VTI1A: variants seen among roughly 807,000 people sequenced by gnomAD.
VTI1A encodes vesicle transport through interaction with t-SNAREs homolog 1A.
A neutral mutation model predicts 34.9 loss-of-function variants in VTI1A; 22 were observed. The observed-to-expected ratio is 0.63, with a 90% CI of 0.45 to 0.90. The LOEUF is 0.90. Among genes scored for constraint, VTI1A ranks in the 40% least tolerant of loss-of-function variants. The pLI is 0.00. For synonymous variants in VTI1A, 87 were observed against 97.3 expected, an observed-to-expected ratio of 0.89 and a Z score of 0.62; for missense variants, 268 against 275.6, an observed-to-expected ratio of 0.97 and a Z score of 0.20.
chr10:112,741,986 G>A (rs1850710007), intron 7 of VTI1A, among the ~76,000 whole-genome samples: 1 of 152,006 alleles, frequency 6.6e-6, no homozygotes, highest in Non-Finnish European at 1.5e-5. Flanking sequence ...AAATTCTGTA[G>A]CAAGCAAGTA....
At chr10:112,748,487 A>G (rs1422057906) in intron 7 of VTI1A, among the ~76,000 whole-genome samples, 1 of 152,190 alleles carries the variant, frequency 6.6e-6, no homozygotes, top group African/African-American at 2.4e-5. Flanking sequence ...GCAGAGATGC[A>G]GGGAAGTTGC....
intron 7 of VTI1A, among the ~76,000 whole-genome samples, chr10:112,760,692 C>T (rs1851431444): frequency 6.6e-6 from 1 of 152,058 alleles, no homozygotes; most frequent in South Asian, 2.1e-4. Context: ...AGTTCGAGAC[C>T]AGGCTGGCCA....
In VTI1A at chr10:112,618,514, T is replaced by TAGAG. The variant is rs1418805647; in HGVS notation, c.428-49703_428-49702insGAGA. On this transcript the variant is annotated intron_variant, in intron 5 of 7. Transcript: ENST00000393077. ...TTATATATATATATATATATATATA[T>TAGAG]ATATATATATAGAGAGAGAGAGAGA... 6.5e-3 allele frequency among the ~76,000 whole-genome samples: 276 copies of TAGAG among 42,464 alleles called. 1 individual carries two copies. The highest frequency in any genetic ancestry group is 0.012 in the Middle Eastern group (1 of 84). 27.9% of individuals were successfully genotyped at this position (42,464 alleles called of 152,430 possible).
chr10:112,765,659 G>T (rs1031070774), intron 7 of VTI1A, among the ~76,000 whole-genome samples: 1 of 152,342 alleles, frequency 6.6e-6, no homozygotes, highest in East Asian at 1.9e-4. Flanking sequence ...GGGGGAAACA[G>T]ACATTAATCA....
intron 5 of VTI1A, among the ~76,000 whole-genome samples, chr10:112,618,424 G>A (rs1192343878): frequency 2.7e-5 from 4 of 146,422 alleles, no homozygotes; most frequent in South Asian, 2.2e-4. Flanking sequence ...GAGAAGTAAC[G>A]ACCCCAGCAT....
chr10:112,616,887 C>CA (rs1159285547), intron 5 of VTI1A, among the ~76,000 whole-genome samples: 1 of 152,020 alleles, frequency 6.6e-6, no homozygotes, highest in African/African-American at 2.4e-5. Flanking sequence ...TAAAATGGAG[C>CA]ACACAAGAGA....
intron 5 of VTI1A, among the ~76,000 whole-genome samples, chr10:112,638,474 A>G (rs1046814799): frequency 2.9e-4 from 44 of 152,336 alleles, no homozygotes; most frequent in African/African-American, 1.1e-3. Flanking sequence ...ACTTATAGCA[A>G]TCCCCTAAAT....
intron 7 of VTI1A, among the ~76,000 whole-genome samples, chr10:112,672,984 C>T (rs1847902648): frequency 6.6e-6 from 1 of 152,030 alleles, no homozygotes; most frequent in African/African-American, 2.4e-5. Flanking sequence ...TACCTTGGCT[C>T]CTCCGCTGCA....
intron 5 of VTI1A, among the ~76,000 whole-genome samples, chr10:112,608,989 A>G (rs1418722562): frequency 1.3e-5 from 2 of 152,310 alleles, no homozygotes; most frequent in South Asian, 4.1e-4. Context: ...TACTTTAAAA[A>G]TATTTTAACA....
At chr10:112,805,894 T>C (rs146922927) in intron 7 of VTI1A, among the ~76,000 whole-genome samples, 1 of 152,298 alleles carries the variant, frequency 6.6e-6, no homozygotes, top group Non-Finnish European at 1.5e-5. Context: ...AACTTTCTGT[T>C]GTTGAAGCCG....
rs535757538 is a variant in VTI1A, at chr10:112,725,814, A to G, written c.560+56816A>G. 9.1e-4 allele frequency among the ~76,000 whole-genome samples: 139 copies of G among 152,298 alleles called. 1 individual carries two copies. The highest frequency in any genetic ancestry group is 1.1e-3 in the African/African-American group (46 of 41,534). ...GCTTGCTTGTTTGTTTTGAGCATCA[A>G]TATAAACCCTTGGACTTTTATCTAT... On this transcript the variant is annotated intron_variant, in intron 7 of 7. Coordinates refer to ENST00000393077, the MANE Select transcript of VTI1A (RefSeq NM_145206.4).
At chr10:112,804,224 G>C (rs972448357) in intron 7 of VTI1A, among the ~76,000 whole-genome samples, 3 of 152,152 alleles carry the variant, frequency 2.0e-5, no homozygotes, top group East Asian at 3.9e-4. Context: ...GAGAAGGCTC[G>C]GCTGTGCTCA....
intron 1 of VTI1A, among the ~76,000 whole-genome samples, chr10:112,451,585 G>T (rs570955512): frequency 8.5e-5 from 13 of 152,352 alleles, no homozygotes; most frequent in African/African-American, 2.9e-4. Context: ...CCCAAGGGGG[G>T]CAGTCGGAGG....
chr10:112,460,397 T>C (rs1383641964), intron 1 of VTI1A, 127 bp from the exon 2 acceptor site: 3 of 762,250 alleles, frequency 3.9e-6, no homozygotes, highest in South Asian at 2.6e-5. Context: ...AAGAATGATA[T>C]GCTCTTTTGC....
At chr10:112,843,873 C>G in the VTI1A span, among the ~76,000 whole-genome samples, 3 of 152,078 alleles carry the variant, frequency 2.0e-5, no homozygotes, top group African/African-American at 7.2e-5. Flanking sequence ...CTTAGAGAAG[C>G]CTTCCCCCAC....
chr10:112,647,365 A>G (rs145110948), intron 5 of VTI1A, among the ~76,000 whole-genome samples: 3 of 152,340 alleles, frequency 2.0e-5, no homozygotes, highest in African/African-American at 4.8e-5. Context: ...GAATCCATAG[A>G]TATAATCAGA....
rs181269097 is a variant in VTI1A, at chr10:112,655,847, A to G, written c.428-12371A>G. Among the ~76,000 whole-genome samples the G allele has an allele frequency of 2.6e-3, 400 of 152,322 alleles. 3 individuals carry two copies. The highest frequency in any genetic ancestry group is 2.7e-3 in the Non-Finnish European group (182 of 68,030). On this transcript the variant is annotated intron_variant, in intron 5 of 7. Transcript: ENST00000393077. ...TTTAAAGTGTGCCTATCTGTGCCCC[A>G]TATCTAGGCAATTAGTCAGCCTACA... is the stretch of plus-strand genomic sequence containing the variant.
chr10:112,474,036 A>G (rs1040848133), intron 3 of VTI1A, among the ~76,000 whole-genome samples: 1 of 151,642 alleles, frequency 6.6e-6, no homozygotes, highest in African/African-American at 2.4e-5. Flanking sequence ...GCTGAAGAAT[A>G]TTTCTTTTAG....
At chr10:112,465,506 A>G (rs1010689477) in intron 3 of VTI1A, among the ~76,000 whole-genome samples, 4 of 152,272 alleles carry the variant, frequency 2.6e-5, no homozygotes, top group African/African-American at 9.6e-5. Flanking sequence ...GTATATCCAC[A>G]CAATGGAATA....
Sources: allele counts gnomAD v4.1 joint callset (sites outside exome capture counted in the v4.1 genomes callset), GRCh38; gene constraint gnomAD v4.1.1; transcripts MANE v1.5; gene names NCBI Gene and HGNC (gene_info 2026-07-23, HGNC 2026-07-21).